The following GTF3C2 variants were observed in gnomAD, a reference collection of about 807,000 sequenced individuals.
GTF3C2 encodes general transcription factor 3C polypeptide 2.
Under a neutral mutation model 117.4 loss-of-function variants are expected in GTF3C2, and 17 were observed. The observed-to-expected ratio is 0.14, with a 90% confidence interval of 0.10 to 0.22. The LOEUF (loss-of-function observed/expected upper bound fraction) is 0.22. Ranked by LOEUF, GTF3C2 falls within the 10% of genes least tolerant of loss-of-function variation. The pLI is 1.00. For synonymous variants in GTF3C2, 437 were observed against 427.0 expected, an observed-to-expected ratio of 1.02 and a Z score of -0.29; for missense variants, 888 against 1,143.6, an observed-to-expected ratio of 0.78 and a Z score of 3.22.
rs536496467 is a variant in GTF3C2 at position 27,353,764 on chromosome 2, G to A, written c.-25+2975C>T. ...TAAAATTTATTTCCCCTGTCACCCA[G>A]GCTGGAATGCAGTAGTGCGATGATC... On this transcript the variant is annotated intron_variant, in intron 1 of 18. Transcript: ENST00000264720. Among the ~76,000 whole-genome samples, 45 of 152,130 alleles carry A rather than the reference G, an allele frequency of 3.0e-4. No homozygotes were observed. In the East Asian group the frequency reaches 8.5e-3, roughly 29 times the overall value.
At chr2:27,332,513 C>A (rs572451722) in intron 12 of GTF3C2, among the ~76,000 whole-genome samples, 51 of 151,976 alleles carry the variant, frequency 3.4e-4, no homozygotes, top group African/African-American at 1.2e-3. Flanking sequence ...CTCCCGGGTT[C>A]ACGCCATTCT....
intron 1 of GTF3C2, among the ~76,000 whole-genome samples, chr2:27,345,120 C>CA (rs56166164): frequency 0.34 from 51,794 of 150,910 alleles, 9,375 homozygotes; most frequent in Admixed American, 0.42. Context: ...TCCTTTGCTA[C>CA]AAAAAAACAT....
At position 27,341,933 on chromosome 2, in the gene GTF3C2, G is replaced by A. The variant is rs1241118605; in HGVS notation, c.855+15C>T. 6.2e-7 allele frequency: 1 copy of A among 1,606,738 alleles called. No homozygotes were observed. The highest frequency in any genetic ancestry group is 1.3e-5 in the African/African-American group (1 of 74,648). On this transcript the variant is annotated intron_variant, in intron 4 of 18. Coordinates refer to ENST00000264720, the Ensembl canonical transcript of GTF3C2. ...CTACTATGTCCCCATTCACTTTCTT[G>A]TCCATTGAGGTTACCCCTGAAGTAG...
chr2:27,350,636 C>A (rs1681097850), intron 1 of GTF3C2: 1 of 322,554 alleles, frequency 3.1e-6, no homozygotes, highest in Non-Finnish European at 4.5e-6. Context: ...TTTGTCTCTG[C>A]AAAAAAATTT....
At chr2:27,342,284 A>G in intron 3 of GTF3C2, 51 bp from the exon 4 acceptor site, 1 of 1,450,084 alleles carries the variant, frequency 6.9e-7, no homozygotes, top group East Asian at 2.3e-5. Context: ...CTGAGAACCC[A>G]CGTTTCCAGA....
chr2:27,355,515 C>T (rs912679322), intron 1 of GTF3C2, among the ~76,000 whole-genome samples: 6 of 146,974 alleles, frequency 4.1e-5, no homozygotes, highest in African/African-American at 1.6e-4. Flanking sequence ...AACAAAACTC[C>T]GTATCAAAAA....
rs1287443053 is a variant in GTF3C2, at chr2:27,337,238, C to A, written c.1127+6G>T. 3 of 1,555,494 alleles carry A rather than the reference C, an allele frequency of 1.9e-6. No individual in the cohort carries two copies. The South Asian group carries it at 3.4e-5, about 18-fold the overall frequency. On this transcript the variant is annotated splice_donor_region_variant and intron_variant, in intron 7 of 18. Coordinates refer to ENST00000264720, the Ensembl canonical transcript of GTF3C2. ...TCAGAAAAAAGGGCGGATGTGCAAT[C>A]TTCACCTGTTTATTCGGTAGAGGGT...
Position 27,329,337 on chromosome 2 carries a change from C to A in GTF3C2, c.1877+42G>T. 6.2e-7 allele frequency: 1 copy of A among 1,613,830 alleles called. No individual in the cohort carries two copies. Among genetic ancestry groups the A allele is most frequent in the Non-Finnish European group, 8.5e-7 (1 of 1,179,722 alleles). ...AAACAAATCCGGAAGTCAGCCTGTC[C>A]CAGTCTTCACCTTCCCCCTCCACAT... On this transcript the variant is annotated intron_variant, in intron 13 of 18. Coordinates refer to ENST00000264720, the Ensembl canonical transcript of GTF3C2. This position sits in a 1 kb window ranked among gnomAD's most constrained non-coding sequence, Gnocchi z 4.5.
chr2:27,336,962 C>CT (rs1680504849), intron 7 of GTF3C2, among the ~76,000 whole-genome samples: 1 of 152,186 alleles, frequency 6.6e-6, no homozygotes, highest in African/African-American at 2.4e-5. Context: ...TTCTGGCATA[C>CT]TATAGTAGTC....
intron 12 of GTF3C2, 166 bp downstream of exon 12, chr2:27,333,489 G>T: frequency 1.7e-6 from 1 of 584,432 alleles, no homozygotes; most frequent in Non-Finnish European, 3.0e-6. Flanking sequence ...TTTCTGAGTA[G>T]AAATAGTCTA....
chr2:27,345,457 G>T (rs1477625823), intron 1 of GTF3C2, among the ~76,000 whole-genome samples: 2 of 151,858 alleles, frequency 1.3e-5, no homozygotes, highest in Non-Finnish European at 2.9e-5. Flanking sequence ...GCTGGGCATG[G>T]TGGCAGGCGC....
chr2:27,338,164 T>C (rs1680565365), intron 4 of GTF3C2, 144 bp from the exon 5 acceptor site: 1 of 661,156 alleles, frequency 1.5e-6, no homozygotes. Context: ...AAAAGATTTG[T>C]GTTTCAACCA....
intron 12 of GTF3C2, among the ~76,000 whole-genome samples, chr2:27,333,156 CTCT>C (rs1386950951): frequency 4.1e-5 from 6 of 146,318 alleles, no homozygotes; most frequent in South Asian, 2.2e-4. Context: ...CCGGCATCTA[CTCT>C]TTTTTTTTTT....
chr2:27,336,895 C>T lies in GTF3C2; in HGVS notation c.1127+349G>A, dbSNP rs182050798. 12 of 249,070 alleles carry T rather than the reference C, an allele frequency of 4.8e-5. No homozygotes were observed. The East Asian group carries it at 1.0e-3, about 21-fold the overall frequency. The allele number at this position is 249,070 out of a possible 1,614,324, so 15.4% of individuals were successfully genotyped here. On this transcript the variant is annotated intron_variant, in intron 7 of 18. Coordinates refer to ENST00000264720, the Ensembl canonical transcript of GTF3C2. ...AAAGTGCTGAGATTACAGGTGTGAG[C>T]CACCACACCCGGCCTCCAAAGTCTG...
At chr2:27,326,350 C>T in exon 19 of GTF3C2, 1 of 475,410 alleles carries the variant, frequency 2.1e-6, no homozygotes, top group South Asian at 2.0e-5. Context: ...AGTACCTTTA[C>T]TTGGCTTTAC....
In GTF3C2 at chr2:27,329,673, A is replaced by T; in HGVS notation, c.1733-150T>A. The T allele has an allele frequency of 2.9e-6, 2 of 698,676 alleles. No homozygotes were observed. Among genetic ancestry groups the T allele is most frequent in the Non-Finnish European group, 4.8e-6 (2 of 415,240 alleles). 43.3% of individuals were successfully genotyped at this position (698,676 alleles called of 1,614,324 possible). On this transcript the variant is annotated intron_variant, in intron 12 of 18. Coordinates refer to ENST00000264720, the Ensembl canonical transcript of GTF3C2. The surrounding 1 kb of genome is among the most constrained non-coding windows in gnomAD (Gnocchi z 4.5). ...TGGGGATCCTGATTAGCTATCCAAC[A>T]CTCCCTCCAGGGCTTAAAGACTCAA...
chr2:27,336,152 G>T, intron 8 of GTF3C2, 46 bp downstream of exon 8: 2 of 1,484,422 alleles, frequency 1.3e-6, no homozygotes, highest in Non-Finnish European at 1.9e-6. Context: ...ACCCCATCCT[G>T]CTGTCCTCAA....
chr2:27,332,360 T>C (rs569884373), intron 12 of GTF3C2, among the ~76,000 whole-genome samples: 1 of 152,066 alleles, frequency 6.6e-6, no homozygotes, highest in Non-Finnish European at 1.5e-5. Flanking sequence ...TTTTTATCTA[T>C]AAAGAACTGC....
chr2:27,335,937 G>T (rs752754270), exon 9 of GTF3C2: 1 of 1,610,128 alleles, frequency 6.2e-7, no homozygotes, highest in South Asian at 1.1e-5. Context: ...GTGCCTGGAA[G>T]TTCCCATGCT....
Sources: allele counts gnomAD v4.1 joint callset (sites outside exome capture counted in the v4.1 genomes callset), GRCh38; gene constraint gnomAD v4.1.1; non-coding constraint Gnocchi (gnomAD v3.1); transcripts MANE v1.5; gene names NCBI Gene and HGNC (gene_info 2026-07-23, HGNC 2026-07-21).